Variants in ZNF536 observed in about 807,000 individuals in gnomAD.
ZNF536 encodes the protein zinc finger protein 536.
ZNF536 carries 13 observed loss-of-function variants against 84.5 expected under a neutral mutation model. That is an observed-to-expected ratio of 0.15 (90% CI 0.10 to 0.24). The LOEUF is 0.24. ZNF536 is among the 10% of genes least tolerant of loss of function. The pLI is 1.00. For synonymous variants in ZNF536, 811 were observed against 742.5 expected, an observed-to-expected ratio of 1.09 and a Z score of -1.50; for missense variants, 1,536 against 1,747.5, an observed-to-expected ratio of 0.88 and a Z score of 2.16.
intron 2 of ZNF536, among the ~76,000 whole-genome samples, chr19:30,512,608 T>C (rs1203488055): frequency 6.6e-6 from 1 of 150,814 alleles, no homozygotes; most frequent in East Asian, 1.9e-4. Flanking sequence ...GTCCCTTGAG[T>C]AAACCATTTT....
intron 2 of ZNF536, among the ~76,000 whole-genome samples, chr19:30,313,316 T>C (rs917110568): frequency 6.6e-6 from 1 of 152,218 alleles, no homozygotes; most frequent in Non-Finnish European, 1.5e-5. Flanking sequence ...GCCTGGGCCT[T>C]CTGCTGGTGC....
chr19:30,287,497 AATAGATGGGTGGGTGGATGG>A (rs1341113211), intron 2 of ZNF536, among the ~76,000 whole-genome samples: 1 of 135,658 alleles, frequency 7.4e-6, no homozygotes, highest in East Asian at 2.3e-4. Flanking sequence ...TGGATGGATG[AATAGATGGGTGGGTGGATGG>A]ATAGATGGGT....
chr19:30,371,027 TCTAAATC>T (rs1365023312), upstream of ZNF536, among the ~76,000 whole-genome samples: 18 of 152,332 alleles, frequency 1.2e-4, no homozygotes, highest in African/African-American at 4.1e-4. Flanking sequence ...AACTGACCAA[TCTAAATC>T]TCATAAGTGA....
intron 1 of ZNF536, among the ~76,000 whole-genome samples, chr19:30,426,954 C>G (rs1165706141): frequency 6.6e-6 from 1 of 152,172 alleles, no homozygotes; most frequent in Non-Finnish European, 1.5e-5. Flanking sequence ...TATCTATCTG[C>G]TCATTGATCC....
chr19:30,321,132 G>A (rs969778500), intron 2 of ZNF536, among the ~76,000 whole-genome samples: 2 of 152,124 alleles, frequency 1.3e-5, no homozygotes, highest in African/African-American at 2.4e-5. Flanking sequence ...CTGCAACCCC[G>A]ACCTCCCAGC....
intron 1 of ZNF536, among the ~76,000 whole-genome samples, chr19:30,632,913 T>C (rs1291529560): frequency 6.6e-6 from 1 of 152,188 alleles, no homozygotes; most frequent in East Asian, 1.9e-4. Flanking sequence ...ATTGAATTCA[T>C]GGGTATGGAC....
chr19:30,510,256 T>C (rs896893797), intron 2 of ZNF536, among the ~76,000 whole-genome samples: 2 of 152,228 alleles, frequency 1.3e-5, no homozygotes, highest in Non-Finnish European at 2.9e-5. Context: ...AAAAGTGCAC[T>C]GTGCCATAAA....
rs140316216 is a variant in ZNF536 at position 30,363,552 on chromosome 19, G to A, written c.-3+11068G>A. Among the ~76,000 whole-genome samples the A allele has an allele frequency of 3.5e-3, 536 of 152,096 alleles. 5 individuals carry two copies. Among genetic ancestry groups the A allele is most frequent in the Admixed American group, 7.3e-3 (111 of 15,264 alleles). On this transcript the variant is annotated intron_variant, in intron 3 of 5. Transcript: ENST00000585628. Reference sequence around the variant, plus strand: ...GCAATGATGGGCTACAGCTACAGACGGGAAGAACCTACACATCACAAACCA... The same window carrying A: ...GCAATGATGGGCTACAGCTACAGACAGGAAGAACCTACACATCACAAACCA...
intron 2 of ZNF536, among the ~76,000 whole-genome samples, chr19:30,468,276 G>A (rs780434075): frequency 3.9e-5 from 6 of 152,210 alleles, no homozygotes; most frequent in South Asian, 4.2e-4. Flanking sequence ...AGGACTTGGC[G>A]ATAAGGCTTG....
chr19:30,444,208 A>C lies in ZNF536; in HGVS notation c.646A>C (p.Ser216Arg), dbSNP rs748239710. The C allele has an allele frequency of 1.0e-5, 16 of 1,548,912 alleles. No homozygotes were observed. The highest frequency in any genetic ancestry group is 1.4e-5 in the Non-Finnish European group (16 of 1,151,962). ...CCTGCGGGACAAGCAGCTGAAAGGC[A>C]GCCTGCTGCAGCCCCGGCCGGACCT... ...AILRDKQLKGSLLQPRPDLKP... is the reference protein window; with the variant it reads ...AILRDKQLKGRLLQPRPDLKP... Residue 216 changes from serine (S) to arginine (R), a missense_variant, in exon 2 of 5, where the codon AGC (serine) becomes CGC (arginine). Ser to Arg is a moderately radical substitution (Grantham distance 110). Around this residue, in one of 8 missense-constraint regions of ZNF536, gnomAD observed 138 missense variants for 136.8 expected, o/e 1.01. Coordinates refer to ENST00000355537, the MANE Select transcript of ZNF536 (RefSeq NM_014717.3).
rs778721262 is a variant in ZNF536, at chr19:30,548,051, C to T, written c.2432C>T (p.Pro811Leu). ...HHRERQNGAG[P>L]LSGQPPNQDH... ...CGGGAGCGGCAGAACGGGGCTGGGC[C>T]GCTGTCTGGGCAACCCCCAAATCAA... is the stretch of plus-strand genomic sequence containing the variant. The change falls in exon 4 of 5, where the codon CCG becomes CTG. Residue 811 changes from proline to leucine, a missense_variant. Physicochemically the swap from Pro to Leu is moderately conservative, Grantham distance 98. Transcript: ENST00000355537. 8.7e-6 allele frequency: 14 copies of T among 1,613,990 alleles called. No homozygotes were observed. The East Asian group carries it at 8.9e-5, about 10-fold the overall frequency.
intron 1 of ZNF536, among the ~76,000 whole-genome samples, chr19:30,400,544 A>G (rs1005232651): frequency 6.6e-6 from 1 of 151,962 alleles, no homozygotes; most frequent in Non-Finnish European, 1.5e-5. Context: ...TATATTATTT[A>G]TTGAGTTGAG....
intron 1 of ZNF536, among the ~76,000 whole-genome samples, chr19:30,658,054 G>A (rs79187062): frequency 0.019 from 2,650 of 142,834 alleles, 28 homozygotes; most frequent in Middle Eastern, 0.038. Context: ...ATCGTGTCTC[G>A]CTGTATCACC....
At chr19:30,428,039 G>T (rs992542913) in intron 1 of ZNF536, among the ~76,000 whole-genome samples, 4 of 152,198 alleles carry the variant, frequency 2.6e-5, no homozygotes, top group Non-Finnish European at 1.5e-5. Flanking sequence ...CATGCCTTTT[G>T]TCCAGGTTTC....
intron 3 of ZNF536, among the ~76,000 whole-genome samples, chr19:30,357,038 C>T (rs2048118280): frequency 6.6e-6 from 1 of 152,234 alleles, no homozygotes; most frequent in Admixed American, 6.5e-5. Flanking sequence ...GGGCCCTGTC[C>T]TCAGAGGACT....
intron 2 of ZNF536, among the ~76,000 whole-genome samples, chr19:30,521,711 A>G (rs1212708648): frequency 1.3e-5 from 2 of 152,122 alleles, no homozygotes; most frequent in African/African-American, 2.4e-5. Context: ...GCTAGAAGGA[A>G]AGCTGGTGTC....
At chr19:30,315,333 G>A (rs78861125) in intron 2 of ZNF536, among the ~76,000 whole-genome samples, 70 of 152,320 alleles carry the variant, frequency 4.6e-4, no homozygotes, top group African/African-American at 1.6e-3. Context: ...GTAGGGAGGC[G>A]AAGGCTTCCT....
At chr19:30,355,283 C>G (rs1279051982) in intron 3 of ZNF536, among the ~76,000 whole-genome samples, 1 of 152,044 alleles carries the variant, frequency 6.6e-6, no homozygotes, top group African/African-American at 2.4e-5. Flanking sequence ...GTCCCAGACT[C>G]TTTTAAACAA....
chr19:30,411,353 T>C lies in ZNF536; in HGVS notation c.-2-32208T>C, dbSNP rs1481165823. Among the ~76,000 whole-genome samples, 3 of 152,184 alleles carry C rather than the reference T, an allele frequency of 2.0e-5. No homozygotes were observed. The East Asian group carries it at 5.8e-4, about 29-fold the overall frequency. ...TTTTTTGCAATCTGATGCACCAAAATTTTAAAATTTTTATATGAATTTCCT... is the reference window on the plus strand; with the variant it reads ...TTTTTTGCAATCTGATGCACCAAAACTTTAAAATTTTTATATGAATTTCCT... On this transcript the variant is annotated intron_variant, in intron 1 of 4. Coordinates refer to ENST00000355537, the MANE Select transcript of ZNF536 (RefSeq NM_014717.3).
Sources: gnomAD v4.1 joint callset for allele counts (sites outside exome capture counted in the v4.1 genomes callset) on GRCh38, gnomAD v4.1.1 for gene constraint, gnomAD v4.1.1 regional missense constraint, MANE v1.5 for transcripts, NCBI Gene and HGNC (gene_info 2026-07-23, HGNC 2026-07-21) for gene names.